Variants in WWOX observed in about 807,000 individuals in gnomAD.
The protein encoded by WWOX is WW domain-containing oxidoreductase.
WWOX carries 69 observed loss-of-function variants against 46.2 expected under a neutral mutation model. The observed-to-expected ratio is 1.49, with a 90% confidence interval of 1.23 to 1.82. The LOEUF (loss-of-function observed/expected upper bound fraction) is 1.82. WWOX is among the 40% of genes most tolerant of loss of function. The pLI is 0.00. For missense variants in WWOX, 919 were observed against 542.6 expected (o/e 1.69, Z -6.89); for synonymous variants, 359 against 202.6 (o/e 1.77, Z -6.56).
intron 8 of WWOX, among the ~76,000 whole-genome samples, chr16:79,034,936 G>C (rs923109756): frequency 6.6e-6 from 1 of 151,952 alleles, no homozygotes; most frequent in Non-Finnish European, 1.5e-5. Flanking sequence ...TCTTCTAGTA[G>C]GATTATTGAA....
At chr16:78,960,134 A>G (rs1475196839) in intron 8 of WWOX, among the ~76,000 whole-genome samples, 1 of 152,186 alleles carries the variant, frequency 6.6e-6, no homozygotes, top group African/African-American at 2.4e-5. Context: ...GCTCAGAGGC[A>G]GAGTAGACTG....
intron 5 of WWOX, among the ~76,000 whole-genome samples, chr16:78,342,501 C>T (rs187153616): frequency 1.7e-5 from 2 of 120,384 alleles, no homozygotes; most frequent in Admixed American, 1.6e-4. Flanking sequence ...CAACATTCCA[C>T]TGGCGAGAGT....
intron 8 of WWOX, among the ~76,000 whole-genome samples, chr16:78,674,536 C>T (rs2047545561): frequency 1.3e-5 from 2 of 152,140 alleles, no homozygotes; most frequent in South Asian, 4.1e-4. Flanking sequence ...CCACCCTCCT[C>T]AGCCTCCCAA....
At chr16:78,600,383 C>G (rs540473834) in intron 8 of WWOX, among the ~76,000 whole-genome samples, 2 of 152,150 alleles carry the variant, frequency 1.3e-5, no homozygotes, top group Non-Finnish European at 2.9e-5. Context: ...AAACAGCCCC[C>G]CAGCTCCAGC....
chr16:78,524,487 C>T (rs1479577036), intron 8 of WWOX, among the ~76,000 whole-genome samples: 5 of 152,078 alleles, frequency 3.3e-5, no homozygotes, highest in Admixed American at 2.6e-4. Context: ...GTGGCATGAT[C>T]TCGGCTCACT....
intron 5 of WWOX, among the ~76,000 whole-genome samples, chr16:78,351,049 G>C (rs1301163701): frequency 6.6e-6 from 1 of 152,212 alleles, no homozygotes; most frequent in East Asian, 1.9e-4. Flanking sequence ...TGATGGCTTA[G>C]GATATTGAAC....
At chr16:78,829,694 C>T (rs1221696482) in intron 8 of WWOX, among the ~76,000 whole-genome samples, 1 of 152,146 alleles carries the variant, frequency 6.6e-6, no homozygotes, top group Non-Finnish European at 1.5e-5. Context: ...TTCAGTTCCC[C>T]TAACAGGTCT....
At chr16:79,038,376 A>G (rs1429559775) in intron 8 of WWOX, among the ~76,000 whole-genome samples, 2 of 152,222 alleles carry the variant, frequency 1.3e-5, no homozygotes, top group East Asian at 1.9e-4. Flanking sequence ...AAAACGAAGG[A>G]AGAAAAATTC....
At chr16:79,210,758 A>G (rs1489748652) in intron 8 of WWOX, among the ~76,000 whole-genome samples, 1 of 152,156 alleles carries the variant, frequency 6.6e-6, no homozygotes, top group African/African-American at 2.4e-5. Context: ...TCTTTATAGC[A>G]TCCCTGACAG....
intron 8 of WWOX, among the ~76,000 whole-genome samples, chr16:78,522,004 G>C (rs183339085): frequency 3.3e-5 from 5 of 152,284 alleles, no homozygotes; most frequent in Admixed American, 6.5e-5. Flanking sequence ...CTGAAATTCA[G>C]AGAGATTAAG....
chr16:78,903,101 T>C (rs1347752580), intron 8 of WWOX, among the ~76,000 whole-genome samples: 4 of 152,134 alleles, frequency 2.6e-5, no homozygotes, highest in Non-Finnish European at 5.9e-5. Flanking sequence ...CTACACTCCA[T>C]AGAGTGGGAA....
At chr16:79,022,280 G>C (rs909416847) in intron 8 of WWOX, among the ~76,000 whole-genome samples, 2 of 148,758 alleles carry the variant, frequency 1.3e-5, no homozygotes, top group African/African-American at 5.0e-5. Context: ...GCTGCGAAAA[G>C]CTCGCTCTGA....
chr16:79,042,438 ATTCCCTGG>A (rs1488414792), intron 8 of WWOX, among the ~76,000 whole-genome samples: 2 of 152,182 alleles, frequency 1.3e-5, no homozygotes, highest in Non-Finnish European at 2.9e-5. Flanking sequence ...GGAGAGATTG[ATTCCCTGG>A]TTATTTATCT....
chr16:78,533,271 G>C (rs2043668804), intron 8 of WWOX, among the ~76,000 whole-genome samples: 1 of 152,118 alleles, frequency 6.6e-6, no homozygotes, highest in South Asian at 2.1e-4. Context: ...GGCCGGGCAT[G>C]GTGGCTCATG....
At chr16:78,112,683 T>TG (rs1312746302) in intron 3 of WWOX, among the ~76,000 whole-genome samples, 1 of 151,904 alleles carries the variant, frequency 6.6e-6, no homozygotes, top group Non-Finnish European at 1.5e-5. Context: ...ATGTTTTTTT[T>TG]TTTTTTCCAA....
chr16:78,318,368 A>G (rs1235814893), intron 5 of WWOX, among the ~76,000 whole-genome samples: 1 of 151,476 alleles, frequency 6.6e-6, no homozygotes, highest in African/African-American at 2.4e-5. Flanking sequence ...AAATGTATAA[A>G]GGAGAGGTTG....
At chr16:79,201,112 C>A (rs1482953567) in intron 8 of WWOX, among the ~76,000 whole-genome samples, 1 of 152,108 alleles carries the variant, frequency 6.6e-6, no homozygotes, top group African/African-American at 2.4e-5. Flanking sequence ...AGTGGCTTGT[C>A]ATAGGTGTCA....
chr16:79,007,534 G>C (rs936580089), intron 8 of WWOX, among the ~76,000 whole-genome samples: 13 of 152,186 alleles, frequency 8.5e-5, no homozygotes, highest in African/African-American at 3.1e-4. Context: ...CTGGATAAGA[G>C]CACCCAAAAT....
intron 8 of WWOX, among the ~76,000 whole-genome samples, chr16:78,568,557 C>A (rs761622479): frequency 6.7e-6 from 1 of 149,370 alleles, no homozygotes; most frequent in African/African-American, 2.5e-5. Flanking sequence ...GTCACTGCAA[C>A]CTCTGCCTCC....
Sources: gnomAD v4.1 joint callset for allele counts (sites outside exome capture counted in the v4.1 genomes callset) on GRCh38, gnomAD v4.1.1 for gene constraint, MANE v1.5 for transcripts, NCBI Gene and HGNC (gene_info 2026-07-23, HGNC 2026-07-21) for gene names.